The following DAPK2 variants were observed in gnomAD, a reference collection of about 807,000 sequenced individuals.
DAPK2 encodes the protein death associated protein kinase 2.
In DAPK2, 35 loss-of-function variants were observed where a neutral mutation model predicts 44.1. The ratio of observed to expected loss-of-function variants is 0.79; its 90% CI spans 0.61 to 1.05. The LOEUF is 1.05. Ranked by LOEUF, DAPK2 falls within the 50% of genes least tolerant of loss-of-function variation. The pLI, the probability that DAPK2 is intolerant of heterozygous loss-of-function variation, is 0.00. For synonymous variants in DAPK2, 174 were observed against 182.6 expected, an observed-to-expected ratio of 0.95 and a Z score of 0.38; for missense variants, 453 against 483.2, an observed-to-expected ratio of 0.94 and a Z score of 0.59.
intron 3 of DAPK2, among the ~76,000 whole-genome samples, chr15:63,949,322 ATAGAGGGAGAGAAAT>A (rs2140515767): frequency 6.6e-6 from 1 of 152,286 alleles, no homozygotes; most frequent in South Asian, 2.1e-4. Context: ...CTCTCATGGG[ATAGAGGGAGAGAAAT>A]AAAAATTCAC....
At chr15:63,986,149 G>A (rs973053392) in intron 1 of DAPK2, among the ~76,000 whole-genome samples, 1 of 152,230 alleles carries the variant, frequency 6.6e-6, no homozygotes, top group East Asian at 1.9e-4. Flanking sequence ...GTTTCCAGAA[G>A]AGCAGAGAAC....
At chr15:63,929,716 C>T in intron 5 of DAPK2, 139 bp from the exon 7 acceptor site, 1 of 933,026 alleles carries the variant, frequency 1.1e-6, no homozygotes, top group Non-Finnish European at 1.7e-6. Flanking sequence ...TGCTCCACAC[C>T]CATCTCCATC....
chr15:64,034,507 G>A (rs966864314), intron 1 of DAPK2, among the ~76,000 whole-genome samples: 2 of 152,174 alleles, frequency 1.3e-5, no homozygotes, highest in Non-Finnish European at 2.9e-5. Context: ...TTGCATACAT[G>A]AGCCTCCTCT....
chr15:63,977,980 T>C (rs910017751), intron 2 of DAPK2, among the ~76,000 whole-genome samples: 1 of 152,238 alleles, frequency 6.6e-6, no homozygotes, highest in African/African-American at 2.4e-5. Flanking sequence ...CCTGCTCTGC[T>C]GCATCCACGC....
intron 1 of DAPK2, among the ~76,000 whole-genome samples, chr15:63,984,537 G>C (rs1185553495): frequency 6.6e-6 from 1 of 152,148 alleles, no homozygotes; most frequent in East Asian, 1.9e-4. Context: ...ACAGGGAAGG[G>C]CACCAACCAC....
At chr15:63,998,059 C>T (rs770035671) in intron 1 of DAPK2, among the ~76,000 whole-genome samples, 1 of 152,204 alleles carries the variant, frequency 6.6e-6, no homozygotes, top group Non-Finnish European at 1.5e-5. Context: ...ACACTTATCT[C>T]ACAGTCAGTT....
In DAPK2 at chr15:64,015,264, G is replaced by A. The variant is rs560757893; in HGVS notation, c.92+24906C>T. Among the ~76,000 whole-genome samples, 6 of 152,236 alleles carry A rather than the reference G, an allele frequency of 3.9e-5. No homozygotes were observed. In the South Asian group the frequency reaches 8.3e-4, roughly 21 times the overall value. On this transcript the variant is annotated intron_variant, in intron 1 of 10. Transcript: ENST00000261891. ...CACACAGGACAACGACAGCATGTTC[G>A]AGGTGGGAATTACCACTCTGACGTT... is the stretch of plus-strand genomic sequence containing the variant.
intron 1 of DAPK2, among the ~76,000 whole-genome samples, chr15:63,991,941 C>T (rs1196249018): frequency 6.6e-6 from 1 of 152,158 alleles, no homozygotes; most frequent in Non-Finnish European, 1.5e-5. Context: ...TATGGGCCTG[C>T]AGCAGCTGCT....
intron 4 of DAPK2, among the ~76,000 whole-genome samples, 200 bp from the exon 6 acceptor site, chr15:63,930,655 T>C (rs2079518824): frequency 1.3e-5 from 2 of 152,156 alleles, no homozygotes; most frequent in Admixed American, 1.3e-4. Flanking sequence ...GTCCCCAAAT[T>C]CATATATCGA....
At chr15:63,944,578 G>T (rs1233178083) in intron 3 of DAPK2, among the ~76,000 whole-genome samples, 4 of 152,190 alleles carry the variant, frequency 2.6e-5, no homozygotes, top group Non-Finnish European at 5.9e-5. Flanking sequence ...TTGCAGCCAC[G>T]CTGAGTGATA....
intron 4 of DAPK2, 140 bp from the exon 6 acceptor site, chr15:63,930,595 T>C: frequency 1.3e-6 from 1 of 761,458 alleles, no homozygotes. Context: ...AAAGGTGATC[T>C]GCATCTAAGA....
At chr15:63,987,490 T>C (rs1487900413) in intron 1 of DAPK2, among the ~76,000 whole-genome samples, 1 of 152,192 alleles carries the variant, frequency 6.6e-6, no homozygotes, top group Non-Finnish European at 1.5e-5. Context: ...GGTATACATA[T>C]GCAAAGCACA....
intron 10 of DAPK2, 79 bp downstream of exon 11, chr15:63,911,829 G>A (rs1361990684): frequency 7.0e-7 from 1 of 1,421,450 alleles, no homozygotes; most frequent in Admixed American, 1.9e-5. Context: ...TGCCTTGTGA[G>A]GGGAAAGGGA....
At chr15:63,987,791 T>C (rs901550147) in intron 1 of DAPK2, among the ~76,000 whole-genome samples, 1 of 152,160 alleles carries the variant, frequency 6.6e-6, no homozygotes, top group African/African-American at 2.4e-5. Context: ...GTCAGGAGAC[T>C]GGGAGTCTAG....
chr15:63,922,224 G>A (rs1387743748), intron 8 of DAPK2: 7 of 948,442 alleles, frequency 7.4e-6, no homozygotes, highest in Non-Finnish European at 8.8e-6. Context: ...TCAGACATGA[G>A]TGCTTGGTAA....
At position 64,002,916 on chromosome 15, in the gene DAPK2, C is replaced by CTGTGTGTGTGTG. The variant is rs3056849; in HGVS notation, c.93-19174_93-19163dup. On this transcript the variant is annotated intron_variant, in intron 1 of 10. Coordinates refer to ENST00000261891, the Ensembl canonical transcript of DAPK2. Reference sequence around the variant, plus strand: ...AGGGAGGGAGAGAAAGACTGAGACACTGTGTGTGTGTGTGTGTGTGTGTGT... The same window carrying CTGTGTGTGTGTG: ...AGGGAGGGAGAGAAAGACTGAGACACTGTGTGTGTGTGTGTGTGTGTGTGTGTGTGTGTGTGT... 9.9e-3 allele frequency among the ~76,000 whole-genome samples: 852 copies of CTGTGTGTGTGTG among 86,118 alleles called. 14 individuals carry two copies. The highest frequency in any genetic ancestry group is 0.029 in the South Asian group (48 of 1,682). 56.5% of individuals were successfully genotyped at this position (86,118 alleles called of 152,430 possible).
At chr15:63,914,174 A>T (rs2078866259) in intron 8 of DAPK2, among the ~76,000 whole-genome samples, 1 of 148,032 alleles carries the variant, frequency 6.8e-6, no homozygotes, top group Admixed American at 6.7e-5. Context: ...GTCAGGGCAC[A>T]AAGGTTCCCC....
chr15:63,962,027 G>A (rs116907714), intron 3 of DAPK2, among the ~76,000 whole-genome samples: 12,097 of 152,120 alleles, frequency 0.08, 659 homozygotes, highest in African/African-American at 0.16. Context: ...ATTTCTTGGA[G>A]GCTTTTTTTG....
intron 7 of DAPK2, 27 bp downstream of exon 8, chr15:63,925,914 A>G (rs1279635772): frequency 1.2e-6 from 2 of 1,614,094 alleles, no homozygotes; most frequent in South Asian, 2.2e-5. Context: ...AGTACCTGAG[A>G]AACCAGTGGC....
Sources: allele counts gnomAD v4.1 joint callset (sites outside exome capture counted in the v4.1 genomes callset), GRCh38; gene constraint gnomAD v4.1.1; transcripts MANE v1.5; gene names NCBI Gene and HGNC (gene_info 2026-07-23, HGNC 2026-07-21).